CELF2: variants seen among roughly 807,000 people sequenced by gnomAD.
The protein encoded by CELF2 is CUGBP Elav-like family member 2.
Under a neutral mutation model 62.6 loss-of-function variants are expected in CELF2, and 8 were observed. That is an observed-to-expected ratio of 0.13 (90% confidence interval 0.07 to 0.23). The LOEUF (loss-of-function observed/expected upper bound fraction) is 0.23. Among genes scored for constraint, CELF2 ranks in the 10% least tolerant of loss-of-function variants. The pLI, the probability that CELF2 is intolerant of heterozygous loss-of-function variation, is 1.00. For synonymous variants in CELF2, 258 were observed against 250.0 expected, an observed-to-expected ratio of 1.03 and a Z score of -0.30; for missense variants, 333 against 671.0, an observed-to-expected ratio of 0.50 and a Z score of 5.56.
rs1411880132 is a variant in CELF2 at position 11,096,943 on chromosome 10, C to A, written c.75-68543C>A. Among the ~76,000 whole-genome samples the A allele has an allele frequency of 2.0e-5, 3 of 152,130 alleles. No homozygotes were observed. In the South Asian group the frequency reaches 6.2e-4, roughly 32 times the overall value. On this transcript the variant is annotated intron_variant, in intron 1 of 12. Transcript: ENST00000633077. ...TCTAACCCACTCCTCCTCCTCCTTT[C>A]CTTCCTTCCTTTCTATATTACTAGT...
At chr10:11,265,463 T>C (rs187348903) in intron 5 of CELF2, among the ~76,000 whole-genome samples, 5 of 152,380 alleles carry the variant, frequency 3.3e-5, no homozygotes, top group Admixed American at 2.0e-4. Flanking sequence ...CAATGCACTT[T>C]TAAAGTCATT....
intron 2 of CELF2, among the ~76,000 whole-genome samples, chr10:10,932,411 C>CA (rs199519198): frequency 9.2e-5 from 14 of 151,726 alleles, no homozygotes; most frequent in Non-Finnish European, 1.0e-4. Flanking sequence ...GTTCTCATCA[C>CA]AAAAAAAGAT....
chr10:11,259,849 A>C (rs2079957816), intron 5 of CELF2, among the ~76,000 whole-genome samples: 2 of 152,238 alleles, frequency 1.3e-5, no homozygotes, highest in African/African-American at 4.8e-5. Flanking sequence ...TTAAGAATAA[A>C]ATATGTAGAA....
chr10:10,694,967 A>C, the CELF2 span, among the ~76,000 whole-genome samples: 1 of 150,972 alleles, frequency 6.6e-6, no homozygotes, highest in Non-Finnish European at 1.5e-5. Flanking sequence ...TCTTTATCCA[A>C]TTTGCCAGTC....
At chr10:11,081,516 G>T (rs984877355) in intron 1 of CELF2, among the ~76,000 whole-genome samples, 1 of 152,170 alleles carries the variant, frequency 6.6e-6, no homozygotes, top group Non-Finnish European at 1.5e-5. Context: ...AATTCTACTT[G>T]AGGAGCCTGC....
chr10:11,195,155 G>C (rs968548083), intron 2 of CELF2, among the ~76,000 whole-genome samples: 1 of 152,146 alleles, frequency 6.6e-6, no homozygotes, highest in Non-Finnish European at 1.5e-5. Context: ...ACACCTCTAG[G>C]TGTGATAATA....
intron 1 of CELF2, among the ~76,000 whole-genome samples, chr10:10,838,401 C>T (rs2058450951): frequency 6.6e-6 from 1 of 152,212 alleles, no homozygotes; most frequent in South Asian, 2.1e-4. Context: ...TCTTACCATA[C>T]TGCACTTTTT....
chr10:11,232,890 G>A (rs145902915), intron 3 of CELF2, among the ~76,000 whole-genome samples: 60 of 152,240 alleles, frequency 3.9e-4, no homozygotes, highest in East Asian at 1.5e-3. Context: ...GCAGCATCCC[G>A]GAGTCTTGTT....
chr10:10,570,603 A>G, the CELF2 span, among the ~76,000 whole-genome samples: 3 of 152,166 alleles, frequency 2.0e-5, no homozygotes, highest in South Asian at 6.2e-4. Context: ...CTAAATTACT[A>G]AAATTAAAAA....
intron 1 of CELF2, among the ~76,000 whole-genome samples, chr10:11,114,687 G>A (rs2056131840): frequency 6.6e-6 from 1 of 152,152 alleles, no homozygotes; most frequent in Non-Finnish European, 1.5e-5. Context: ...CAATGGGTTG[G>A]CCACAGCACT....
chr10:10,944,336 A>G (rs552999452), intron 2 of CELF2: 1 of 152,768 alleles, frequency 6.5e-6, no homozygotes. Flanking sequence ...TGCAGAAAAT[A>G]TTTTGCATGA....
chr10:11,188,180 A>C (rs2134322253), intron 2 of CELF2, among the ~76,000 whole-genome samples: 1 of 152,328 alleles, frequency 6.6e-6, no homozygotes, highest in East Asian at 1.9e-4. Context: ...ATCTCAGCTC[A>C]CCGCAACCTC....
intron 2 of CELF2, among the ~76,000 whole-genome samples, chr10:10,955,471 T>G (rs1010305488): frequency 6.6e-6 from 1 of 152,180 alleles, no homozygotes. Context: ...GCTCCTTGAG[T>G]GAGCCCGAAA....
the CELF2 span, among the ~76,000 whole-genome samples, chr10:10,723,238 C>T: frequency 3.3e-5 from 5 of 152,084 alleles, no homozygotes; most frequent in African/African-American, 7.2e-5. Context: ...GGAAGCATTG[C>T]GCTGTGAGTA....
chr10:10,608,309 G>C, the CELF2 span, among the ~76,000 whole-genome samples: 2 of 152,148 alleles, frequency 1.3e-5, no homozygotes, highest in African/African-American at 4.8e-5. Context: ...AAGCGTTTTT[G>C]AACACCAGAA....
rs2065235827 is a variant in CELF2 at position 11,159,538 on chromosome 10, T to G, written c.75-5948T>G. The stretch of plus-strand genomic sequence containing the variant: ...CGCCTCCTGAGGGTAGGGCCTGAGT[T>G]TCTGATGTGTTCTCCAGCATGCAGT... On this transcript the variant is annotated intron_variant, in intron 1 of 12. Transcript: ENST00000633077. This position sits in a 1 kb window ranked among gnomAD's most constrained non-coding sequence, Gnocchi z 5.0. Among the ~76,000 whole-genome samples the G allele has an allele frequency of 6.6e-6, 1 of 152,178 alleles. No homozygotes were observed. Among genetic ancestry groups the G allele is most frequent in the South Asian group, 2.1e-4 (1 of 4,828 alleles).
At position 11,309,899 on chromosome 10, in the gene CELF2, C is replaced by T. The variant is rs1318042475; in HGVS notation, c.977-4240C>T. Among the ~76,000 whole-genome samples the T allele has an allele frequency of 6.6e-6, 1 of 152,156 alleles. No homozygotes were observed. Among genetic ancestry groups the T allele is most frequent in the African/African-American group, 2.4e-5 (1 of 41,436 alleles). On this transcript the variant is annotated intron_variant, in intron 9 of 12. Transcript: ENST00000633077. The surrounding 1 kb of genome is among the most constrained non-coding windows in gnomAD (Gnocchi z 5.6). ...TTATCCTTAGGGGAAGTTACAGAGCCCTTTGTTCTTGTGACCTGTCTCTCC... is the reference window on the plus strand; with the variant it reads ...TTATCCTTAGGGGAAGTTACAGAGCTCTTTGTTCTTGTGACCTGTCTCTCC...
intron 3 of CELF2, among the ~76,000 whole-genome samples, chr10:11,239,222 CTTGTTTT>C (rs1167313863): frequency 6.6e-6 from 1 of 151,974 alleles, no homozygotes; most frequent in East Asian, 1.9e-4. Context: ...GGCTTTGTTG[CTTGTTTT>C]TTCCCCTTTG....
chr10:10,974,065 C>T (rs528337950), intron 2 of CELF2, among the ~76,000 whole-genome samples: 1 of 152,324 alleles, frequency 6.6e-6, no homozygotes, highest in Non-Finnish European at 1.5e-5. Flanking sequence ...AGAATCTCAG[C>T]TCTCCCACTT....
Sources: gnomAD v4.1 joint callset for allele counts (sites outside exome capture counted in the v4.1 genomes callset) on GRCh38, gnomAD v4.1.1 for gene constraint, Gnocchi (gnomAD v3.1) non-coding constraint, MANE v1.5 for transcripts, NCBI Gene and HGNC (gene_info 2026-07-23, HGNC 2026-07-21) for gene names.